Variants in GPR84 observed in about 807,000 individuals in gnomAD.
The protein encoded by GPR84 is G-protein coupled receptor 84.
In GPR84, 8 loss-of-function variants were observed where a neutral mutation model predicts 14.9. The ratio of observed to expected loss-of-function variants is 0.54; its 90% CI spans 0.31 to 0.97. The LOEUF (loss-of-function observed/expected upper bound fraction) is 0.97, where lower values mean the gene tolerates loss of function less well. GPR84 is among the 50% of genes least tolerant of loss of function. The pLI, the probability that GPR84 is intolerant of heterozygous loss-of-function variation, is 0.04. For missense variants in GPR84, 424 were observed against 498.7 expected, an observed-to-expected ratio of 0.85 and a Z score of 1.43; for synonymous variants, 164 against 198.1, an observed-to-expected ratio of 0.83 and a Z score of 1.45.
At chr12:54,359,486 A>T (rs185391016), downstream of GPR84, among the ~76,000 whole-genome samples, 2 of 152,106 alleles carry the variant, frequency 1.3e-5, no homozygotes, top group African/African-American at 4.8e-5. Flanking sequence ...AAAGGCGATA[A>T]CAGAGGTACA....
chr12:54,355,505 G>C, the GPR84 span, among the ~76,000 whole-genome samples: 1 of 152,036 alleles, frequency 6.6e-6, no homozygotes, highest in Non-Finnish European at 1.5e-5. Flanking sequence ...CATTCCAAAG[G>C]TATTTCCACA....
chr12:54,362,576 G>T lies in GPR84; in HGVS notation c.*85C>A. 1.2e-6 allele frequency: 1 copy of T among 805,526 alleles called. No individual in the cohort carries two copies. Among genetic ancestry groups the T allele is most frequent in the Non-Finnish European group, 2.1e-6 (1 of 486,880 alleles). The allele number at this position is 805,526 out of a possible 1,614,324, so 49.9% of individuals were successfully genotyped here. A position where few individuals can be genotyped will look rare whatever the true frequency, so the allele number is the denominator to read the frequency against. ...GAGATTGTTGTGAAAATGCCCACATGTGTTATTTCACCTATTCTCCTATTA... is the reference window on the plus strand; with the variant it reads ...GAGATTGTTGTGAAAATGCCCACATTTGTTATTTCACCTATTCTCCTATTA... On this transcript the variant is annotated 3_prime_UTR_variant, in exon 2 of 2. Coordinates refer to ENST00000267015, the MANE Select transcript of GPR84 (RefSeq NM_020370.3). This position sits in a 1 kb window ranked among gnomAD's most constrained non-coding sequence, Gnocchi z 4.0.
At chr12:54,352,169 C>G in the GPR84 span, among the ~76,000 whole-genome samples, 1 of 152,212 alleles carries the variant, frequency 6.6e-6, no homozygotes, top group African/African-American at 2.4e-5. Flanking sequence ...AGACGCGCAC[C>G]TGCGTGGGGG....
chr12:54,362,888 AAC>A lies in GPR84; in HGVS notation c.962_963del (p.Cys321PhefsTer73). 6.2e-7 allele frequency: 1 copy of A among 1,614,200 alleles called. No homozygotes were observed. Among genetic ancestry groups the A allele is most frequent in the Non-Finnish European group, 8.5e-7 (1 of 1,180,038 alleles). ...SSEFGKVTRMCFAVFLCFALS... is the reference protein window; with the variant it reads ...SSEFGKVTRMXFAVFLCFALS... ...AGGGCAAAGCAGAGGAACACAGCAA[AAC>A]ACATTCGAGTCACCTTCCCAAATTC... is the stretch of plus-strand genomic sequence containing the variant. On this transcript the variant is annotated frameshift_variant, in exon 2 of 2. Transcript: ENST00000267015. LOFTEE classifies it high-confidence loss of function. This position sits in a 1 kb window ranked among gnomAD's most constrained non-coding sequence, Gnocchi z 4.0.
the GPR84 span, among the ~76,000 whole-genome samples, chr12:54,352,734 C>T: frequency 6.6e-6 from 1 of 152,142 alleles, no homozygotes; most frequent in Non-Finnish European, 1.5e-5. Context: ...CTTGCCTGCT[C>T]TTCTGTGAAA....
At chr12:54,354,919 C>A in the GPR84 span, among the ~76,000 whole-genome samples, 3 of 152,106 alleles carry the variant, frequency 2.0e-5, no homozygotes, top group Non-Finnish European at 4.4e-5. Context: ...TTTCTCCTTT[C>A]CATCTATTCT....
downstream of GPR84, among the ~76,000 whole-genome samples, chr12:54,359,914 C>T (rs1954252227): frequency 6.6e-6 from 1 of 151,186 alleles, no homozygotes; most frequent in South Asian, 2.1e-4. Context: ...CCAGGATTTC[C>T]TTCTGTGTCT....
chr12:54,356,983 T>G, the GPR84 span, among the ~76,000 whole-genome samples: 1 of 152,102 alleles, frequency 6.6e-6, no homozygotes, highest in Non-Finnish European at 1.5e-5. Flanking sequence ...AGCATGTCTT[T>G]TTTCCTCAGT....
rs200953573 is a variant in GPR84 at position 54,363,746 on chromosome 12, C to T, written c.106G>A (p.Val36Met). ...WGVVVAVTGTVGNVLTLLALA... is the reference protein window; with the variant it reads ...WGVVVAVTGTMGNVLTLLALA... ...GCCAGTAGGGTGAGCACATTGCCCA[C>T]GGTGCCTGTCACAGCCACCACCACC... The change falls in exon 2 of 2, where the codon GTG (valine) becomes ATG (methionine). Residue 36 changes from valine (V) to methionine (M), a missense_variant. By Grantham distance (21) the Val-to-Met change is conservative. Coordinates refer to ENST00000267015, the MANE Select transcript of GPR84 (RefSeq NM_020370.3). 1.6e-4 allele frequency: 253 copies of T among 1,613,864 alleles called. No homozygotes were observed. Among genetic ancestry groups the T allele is most frequent in the Admixed American group, 5.0e-5 (3 of 60,000 alleles).
the GPR84 span, among the ~76,000 whole-genome samples, chr12:54,352,030 G>A: frequency 6.6e-6 from 1 of 151,750 alleles, no homozygotes; most frequent in Non-Finnish European, 1.5e-5. Flanking sequence ...CCGTCCCCTC[G>A]CCTGGAAATT....
chr12:54,356,996 C>T, the GPR84 span, among the ~76,000 whole-genome samples: 2 of 152,116 alleles, frequency 1.3e-5, no homozygotes, highest in Non-Finnish European at 2.9e-5. Flanking sequence ...TCCTCAGTCC[C>T]CCTTCCCCCA....
chr12:54,356,988 CT>C, the GPR84 span, among the ~76,000 whole-genome samples: 1 of 152,094 alleles, frequency 6.6e-6, no homozygotes, highest in Non-Finnish European at 1.5e-5. Context: ...GTCTTTTTTC[CT>C]CAGTCCCCCT....
At chr12:54,350,902 G>T in the GPR84 span, 1 of 244,932 alleles carries the variant, frequency 4.1e-6, no homozygotes, top group East Asian at 8.8e-5. Flanking sequence ...TCCTCCCTTT[G>T]CCTCTACCTG....
Position 54,363,446 on chromosome 12 carries a change from C to T in GPR84, c.406G>A (p.Gly136Arg), listed in dbSNP as rs879051962. The T allele has an allele frequency of 6.2e-7, 1 of 1,613,938 alleles. No individual in the cohort carries two copies. The highest frequency in any genetic ancestry group is 1.1e-5 in the South Asian group (1 of 91,080). Residue 136 changes from glycine to arginine, a missense_variant, in exon 2 of 2, where the codon GGG becomes AGG. Physicochemically the swap from Gly to Arg is moderately radical, Grantham distance 125 (BLOSUM62 -2). Coordinates refer to ENST00000267015, the MANE Select transcript of GPR84 (RefSeq NM_020370.3). ...KLFPQVFSAK[G>R]IVLALVSTWV... Reference sequence around the variant, plus strand: ...GTGCTCACCAGTGCCAGCACTATCCCCTTGGCACTGAAAACTTGGGGAAAA... The same window carrying T: ...GTGCTCACCAGTGCCAGCACTATCCTCTTGGCACTGAAAACTTGGGGAAAA...
the GPR84 span, among the ~76,000 whole-genome samples, chr12:54,353,246 T>A: frequency 2.6e-5 from 4 of 152,192 alleles, no homozygotes; most frequent in South Asian, 8.3e-4. Context: ...AGGGTCTGAT[T>A]ATTTCTTTTC....
At chr12:54,359,006 AC>A (rs1954239018), downstream of GPR84, among the ~76,000 whole-genome samples, 1 of 150,662 alleles carries the variant, frequency 6.6e-6, no homozygotes, top group Non-Finnish European at 1.5e-5. Context: ...TTACCACCAC[AC>A]CCCAGTTTCC....
rs372603473 is a variant in GPR84, at chr12:54,363,238, A to C, written c.614T>G (p.Val205Gly). 1.9e-6 allele frequency: 3 copies of C among 1,613,978 alleles called. No individual in the cohort carries two copies. The highest frequency in any genetic ancestry group is 2.7e-5 in the African/African-American group (2 of 74,870). ...GIFYCLIHRQ[V>G]KRAAQALDQY... ...GTCCAGTGCCTGTGCTGCTCGTTTG[A>C]CCTGGCGGTGGATGAGGCAATAGAA... The change falls in exon 2 of 2, where the codon GTC becomes GGC. Residue 205 changes from valine to glycine, a missense_variant. Val to Gly is a moderately radical substitution (Grantham distance 109). Coordinates refer to ENST00000267015, the MANE Select transcript of GPR84 (RefSeq NM_020370.3).
the GPR84 span, among the ~76,000 whole-genome samples, chr12:54,352,722 G>C: frequency 6.6e-6 from 1 of 152,148 alleles, no homozygotes; most frequent in Non-Finnish European, 1.5e-5. Context: ...GAGTTTTCCA[G>C]TCTTGCCTGC....
At chr12:54,356,078 T>C in the GPR84 span, among the ~76,000 whole-genome samples, 1 of 152,122 alleles carries the variant, frequency 6.6e-6, no homozygotes, top group Non-Finnish European at 1.5e-5. Context: ...AGGCACCAAC[T>C]GTTTCCAGGG....
Sources: allele counts gnomAD v4.1 joint callset (sites outside exome capture counted in the v4.1 genomes callset), GRCh38; gene constraint gnomAD v4.1.1; non-coding constraint Gnocchi (gnomAD v3.1); transcripts MANE v1.5; gene names NCBI Gene and HGNC (gene_info 2026-07-23, HGNC 2026-07-21).